ZSWIM3: variants seen among roughly 807,000 people sequenced by gnomAD.
The protein encoded by ZSWIM3 is zinc finger SWIM domain-containing protein 3.
In ZSWIM3, 27 loss-of-function variants were observed where a neutral mutation model predicts 47.5. The observed-to-expected ratio is 0.57, with a 90% confidence interval of 0.42 to 0.78. The LOEUF (loss-of-function observed/expected upper bound fraction) is 0.78. Ranked by LOEUF, ZSWIM3 falls within the 30% of genes least tolerant of loss-of-function variation. ZSWIM3 has a pLI of 0.00. For missense variants in ZSWIM3, 689 were observed against 861.3 expected, an observed-to-expected ratio of 0.80 and a Z score of 2.50; for synonymous variants, 333 against 333.9, an observed-to-expected ratio of 1.00 and a Z score of 0.03.
intron 1 of ZSWIM3, among the ~76,000 whole-genome samples, chr20:45,874,606 C>T (rs1986047937): frequency 6.6e-6 from 1 of 152,198 alleles, no homozygotes; most frequent in Non-Finnish European, 1.5e-5. Context: ...AGTTGAGAAC[C>T]ACTGATCTAG....
In ZSWIM3 at chr20:45,859,064, G is replaced by A. The variant is rs114824383; in HGVS notation, c.155+1084G>A. Among the ~76,000 whole-genome samples the A allele has an allele frequency of 4.7e-3, 720 of 152,238 alleles. 9 individuals carry two copies. The highest frequency in any genetic ancestry group is 0.017 in the African/African-American group (689 of 41,530). On this transcript the variant is annotated intron_variant, in intron 1 of 1. Transcript: ENST00000255152. ...GCCATCTAATCAGCTCCAGCTGATGGCTGCCATATGAAAATAAAGATCTAG... is the reference window on the plus strand; with the variant it reads ...GCCATCTAATCAGCTCCAGCTGATGACTGCCATATGAAAATAAAGATCTAG...
Position 45,857,629 on chromosome 20 carries a change from C to A in ZSWIM3, c.-197C>A. 1 of 700,336 alleles carries A rather than the reference C, an allele frequency of 1.4e-6. No individual in the cohort carries two copies. The highest frequency in any genetic ancestry group is 2.4e-6 in the Non-Finnish European group (1 of 411,714). The allele number at this position is 700,336 out of a possible 1,614,324, so 43.4% of individuals were successfully genotyped here. On this transcript the variant is annotated 5_prime_UTR_variant, in exon 1 of 2. Coordinates refer to ENST00000255152, the MANE Select transcript of ZSWIM3 (RefSeq NM_080752.4). ...CATTTCCCCTGTCAGATAGCAAATA[C>A]ACCCCCTTCCTCTTGTAACCCGGTC...
intron 1 of ZSWIM3, among the ~76,000 whole-genome samples, chr20:45,865,139 C>T (rs892039047): frequency 7.2e-5 from 11 of 151,778 alleles, no homozygotes; most frequent in Non-Finnish European, 1.5e-4. Flanking sequence ...GCCAACATGG[C>T]GAAACCCCAT....
rs779247942 is a variant in ZSWIM3, at chr20:45,877,331, C to G, written c.773C>G (p.Thr258Arg). The change falls in exon 2 of 2, where the codon ACA becomes AGA. Residue 258 changes from threonine to arginine, a missense_variant. By Grantham distance (71) the Thr-to-Arg change is moderately conservative. Transcript: ENST00000255152. ...VVHFAVLKAETVTSVAKMLSI... is the reference protein window; with the variant it reads ...VVHFAVLKAERVTSVAKMLSI... ...CACTTTGCTGTGCTCAAGGCGGAGACAGTCACCTCTGTGGCCAAGATGCTG... is the reference window on the plus strand; with the variant it reads ...CACTTTGCTGTGCTCAAGGCGGAGAGAGTCACCTCTGTGGCCAAGATGCTG... 2 of 1,614,068 alleles carry G rather than the reference C, an allele frequency of 1.2e-6. No individual in the cohort carries two copies. Among genetic ancestry groups the G allele is most frequent in the African/African-American group, 1.3e-5 (1 of 74,936 alleles).
At chr20:45,868,081 G>A (rs1985886758) in intron 1 of ZSWIM3, among the ~76,000 whole-genome samples, 1 of 152,158 alleles carries the variant, frequency 6.6e-6, no homozygotes, top group African/African-American at 2.4e-5. Context: ...TAACATGTTT[G>A]GTAGTCAATT....
chr20:45,873,558 T>C (rs1245683444), intron 1 of ZSWIM3, among the ~76,000 whole-genome samples: 1 of 152,204 alleles, frequency 6.6e-6, no homozygotes, highest in Non-Finnish European at 1.5e-5. Context: ...GCTGTAATAA[T>C]AATAGCTAAC....
At chr20:45,864,335 T>C (rs2145786736) in intron 1 of ZSWIM3, among the ~76,000 whole-genome samples, 1 of 152,316 alleles carries the variant, frequency 6.6e-6, no homozygotes, top group Non-Finnish European at 1.5e-5. Flanking sequence ...GGATCATTTA[T>C]TGCAAACTGG....
intron 1 of ZSWIM3, among the ~76,000 whole-genome samples, chr20:45,861,400 G>A (rs1278797838): frequency 6.6e-6 from 1 of 150,624 alleles, no homozygotes; most frequent in Non-Finnish European, 1.5e-5. Flanking sequence ...TTTAGCCTGG[G>A]CAACAACAGA....
chr20:45,874,555 ACCAAACATTCCCTAGCCC>A (rs1046726636), intron 1 of ZSWIM3, among the ~76,000 whole-genome samples: 2 of 152,110 alleles, frequency 1.3e-5, no homozygotes, highest in African/African-American at 4.8e-5. Context: ...AAAAAGGAGG[ACCAAACATTCCCTAGCCC>A]CAAAACATTC....
chr20:45,864,786 G>T (rs1286021960), intron 1 of ZSWIM3, among the ~76,000 whole-genome samples: 1 of 152,124 alleles, frequency 6.6e-6, no homozygotes, highest in South Asian at 2.1e-4. Context: ...CCTTGAACCC[G>T]AGAGGCGGAG....
At position 45,878,176 on chromosome 20, in the gene ZSWIM3, C is replaced by G; in HGVS notation, c.1618C>G (p.His540Asp). The G allele has an allele frequency of 1.2e-6, 2 of 1,614,214 alleles. No homozygotes were observed. The highest frequency in any genetic ancestry group is 1.7e-6 in the Non-Finnish European group (2 of 1,180,044). Residue 540 changes from histidine to aspartate, a missense_variant, in exon 2 of 2, where the codon CAC (histidine) becomes GAC (aspartate). Coordinates refer to ENST00000255152, the MANE Select transcript of ZSWIM3 (RefSeq NM_080752.4). Reference sequence around the variant, plus strand: ...GGACGTTCAGCTGCTAGAGGACTCTCACCAGGTTAGCAAAGATGGCTGTAG... The same window carrying G: ...GGACGTTCAGCTGCTAGAGGACTCTGACCAGGTTAGCAAAGATGGCTGTAG... ...SVDVQLLEDS[H>D]QVSKDGCSCS...
intron 1 of ZSWIM3, chr20:45,872,928 T>C: frequency 3.5e-6 from 4 of 1,150,722 alleles, no homozygotes; most frequent in Non-Finnish European, 4.3e-6. Flanking sequence ...CTGGACCAGC[T>C]GGATTAGAGT....
chr20:45,878,541 C>G lies in ZSWIM3; in HGVS notation c.1983C>G (p.Leu661=). The change falls in exon 2 of 2, where the codon CTC becomes CTG. Residue 661 remains leucine, a synonymous_variant. Coordinates refer to ENST00000255152, the MANE Select transcript of ZSWIM3 (RefSeq NM_080752.4). ...IWAGPSQPSE[L]FQQPGDFKDV... is the part of the protein sequence containing the mutation. Reference sequence around the variant, plus strand: ...CTGGCCCCTCCCAGCCATCTGAGCTCTTTCAGCAGCCAGGAGACTTTAAGG... The same window carrying G: ...CTGGCCCCTCCCAGCCATCTGAGCTGTTTCAGCAGCCAGGAGACTTTAAGG... The G allele has an allele frequency of 6.2e-7, 1 of 1,614,222 alleles. No homozygotes were observed. Among genetic ancestry groups the G allele is most frequent in the Non-Finnish European group, 8.5e-7 (1 of 1,180,038 alleles).
At chr20:45,869,033 C>T (rs991360733) in intron 1 of ZSWIM3, among the ~76,000 whole-genome samples, 1 of 151,872 alleles carries the variant, frequency 6.6e-6, no homozygotes, top group African/African-American at 2.4e-5. Context: ...AACTCCTGAC[C>T]TCAGGTGATC....
intron 1 of ZSWIM3, among the ~76,000 whole-genome samples, chr20:45,870,254 C>T (rs975953619): frequency 6.6e-6 from 1 of 151,724 alleles, no homozygotes; most frequent in Non-Finnish European, 1.5e-5. Context: ...GCAGGAGAAT[C>T]GCTTGAACCC....
rs764036710 is a variant in ZSWIM3, at chr20:45,876,971, T to G, written c.413T>G (p.Leu138Arg). 3 of 1,614,098 alleles carry G rather than the reference T, an allele frequency of 1.9e-6. No individual in the cohort carries two copies. The highest frequency in any genetic ancestry group is 1.1e-5 in the South Asian group (1 of 91,078). ...QPVQPTTKKD[L>R]DTAEKSLVEP... ...GTGCAGCCCACAACCAAAAAAGACC[T>G]TGACACTGCCGAGAAGTCCCTGGTT... Residue 138 changes from leucine (L) to arginine (R), a missense_variant, in exon 2 of 2, where the codon CTT (leucine) becomes CGT (arginine). Coordinates refer to ENST00000255152, the MANE Select transcript of ZSWIM3 (RefSeq NM_080752.4).
At chr20:45,868,786 A>G (rs1985902164) in intron 1 of ZSWIM3, among the ~76,000 whole-genome samples, 1 of 107,352 alleles carries the variant, frequency 9.3e-6, no homozygotes, top group South Asian at 2.8e-4. Flanking sequence ...TACTTTTGCT[A>G]AATATAATAA....
chr20:45,865,707 A>G (rs1425889380), intron 1 of ZSWIM3, among the ~76,000 whole-genome samples: 1 of 152,014 alleles, frequency 6.6e-6, no homozygotes, highest in African/African-American at 2.4e-5. Flanking sequence ...ATGATTAAGA[A>G]AAATTCAGGG....
chr20:45,876,005 G>A (rs1005066968), intron 1 of ZSWIM3, among the ~76,000 whole-genome samples: 6 of 147,938 alleles, frequency 4.1e-5, no homozygotes, highest in African/African-American at 1.0e-4. Context: ...GCCCTACTAC[G>A]GGTTTTTCCT....
Sources: gnomAD v4.1 joint callset for allele counts (sites outside exome capture counted in the v4.1 genomes callset) on GRCh38, gnomAD v4.1.1 for gene constraint, MANE v1.5 for transcripts, NCBI Gene and HGNC (gene_info 2026-07-23, HGNC 2026-07-21) for gene names.